Variants in DNAH10 observed in about 807,000 individuals in gnomAD.
The protein encoded by DNAH10 is axonemal beta dynein heavy chain 10.
In DNAH10, 348 loss-of-function variants were observed where a neutral mutation model predicts 506.6. That is an observed-to-expected ratio of 0.69 (90% confidence interval 0.63 to 0.75). The LOEUF is 0.75. Among genes scored for constraint, DNAH10 ranks in the 30% least tolerant of loss-of-function variants. DNAH10 has a pLI of 0.00. For synonymous variants in DNAH10, 2,059 were observed against 2,198.6 expected, an observed-to-expected ratio of 0.94 and a Z score of 1.78; for missense variants, 5,179 against 5,787.1, an observed-to-expected ratio of 0.89 and a Z score of 3.41.
chr12:123,882,917 G>A (rs111623472), intron 51 of DNAH10, among the ~76,000 whole-genome samples: 132 of 151,986 alleles, frequency 8.7e-4, no homozygotes, highest in Non-Finnish European at 1.4e-3. Context: ...AGCAACTAAC[G>A]GACTAATCTG....
At chr12:123,883,657 G>A (rs984536691) in intron 51 of DNAH10, among the ~76,000 whole-genome samples, 1 of 152,204 alleles carries the variant, frequency 6.6e-6, no homozygotes, top group African/African-American at 2.4e-5. Context: ...AAGCTGAAAA[G>A]TGTACCCTAA....
rs1959027518 is a variant in DNAH10, at chr12:123,813,586, A to G, written c.3567A>G (p.Lys1189=). ...AGTCCTGGGTGATTTCGCTTGGAAA[A>G]CTTCTCAATGAGTCAGCAAAAGAGG... ...NAKSWVISLG[K]LLNESAKEEL... Residue 1189 remains lysine, a synonymous_variant, in exon 20 of 79, where the codon AAA becomes AAG. Transcript: ENST00000673944. The G allele has an allele frequency of 1.2e-6, 2 of 1,614,038 alleles. No individual in the cohort carries two copies. Among genetic ancestry groups the G allele is most frequent in the African/African-American group, 1.3e-5 (1 of 74,910 alleles).
chr12:123,772,158 T>A (rs1289029552), intron 3 of DNAH10, among the ~76,000 whole-genome samples: 1 of 152,216 alleles, frequency 6.6e-6, no homozygotes, highest in Non-Finnish European at 1.5e-5. Flanking sequence ...TCCACGTGGC[T>A]GACCTTAGTT....
chr12:123,793,930 A>T lies in DNAH10; in HGVS notation c.1816-12A>T. ...CAGGGGCATGAGGGTTGTTTTGTTG[A>T]TTTTTTTGCAGGTTATTGAGAAAGA... On this transcript the variant is annotated splice_polypyrimidine_tract_variant and intron_variant, in intron 11 of 78. Coordinates refer to ENST00000673944, the MANE Select transcript of DNAH10 (RefSeq NM_001372106.1). 8.4e-7 allele frequency: 1 copy of T among 1,195,102 alleles called. No individual in the cohort carries two copies. Among genetic ancestry groups the T allele is most frequent in the Non-Finnish European group, 1.1e-6 (1 of 934,248 alleles). The allele number at this position is 1,195,102 out of a possible 1,614,324, so 74.0% of individuals were successfully genotyped here.
intron 55 of DNAH10, 139 bp from the exon 56 acceptor site, chr12:123,898,514 T>C: frequency 9.1e-7 from 1 of 1,097,916 alleles, no homozygotes; most frequent in Non-Finnish European, 1.3e-6. Flanking sequence ...AGTATGGCAG[T>C]GGAGGTACTG....
chr12:123,910,878 TGAAA>T (rs939254414), intron 59 of DNAH10, among the ~76,000 whole-genome samples: 2 of 152,104 alleles, frequency 1.3e-5, no homozygotes, highest in Non-Finnish European at 2.9e-5. Context: ...GACCGAGGTC[TGAAA>T]GAGTTTCAAA....
In DNAH10 at chr12:123,887,221, G is replaced by A; in HGVS notation, c.8903G>A (p.Gly2968Glu). The A allele has an allele frequency of 6.2e-7, 1 of 1,613,900 alleles. No individual in the cohort carries two copies. Among genetic ancestry groups the A allele is most frequent in the Non-Finnish European group, 8.5e-7 (1 of 1,179,840 alleles). ...EDLKSLYLKLGIENKAMIFLF... is the reference protein window; with the variant it reads ...EDLKSLYLKLEIENKAMIFLF... ...CTGAAGAGCCTCTATTTGAAACTTGGGATTGAGAACAAAGCGATGATCTTT... is the reference window on the plus strand; with the variant it reads ...CTGAAGAGCCTCTATTTGAAACTTGAGATTGAGAACAAAGCGATGATCTTT... The change falls in exon 52 of 79, where the codon GGG becomes GAG. Residue 2968 changes from glycine to glutamate, a missense_variant. Transcript: ENST00000673944.
In DNAH10 at chr12:123,924,395, C is replaced by G. The variant is rs750626560; in HGVS notation, c.11729C>G (p.Pro3910Arg). 9.9e-6 allele frequency: 16 copies of G among 1,613,632 alleles called. No homozygotes were observed. In the East Asian group the frequency reaches 3.3e-4, roughly 34 times the overall value. Residue 3910 changes from proline (P) to arginine (R), a missense_variant, in exon 67 of 79, where the codon CCT becomes CGT. Pro to Arg is a moderately radical substitution (Grantham distance 103, BLOSUM62 -2). This residue lies in a region of DNAH10 where 4,844 missense variants were observed against 5,430.5 expected (regional missense o/e 0.89). Transcript: ENST00000673944. ...EMFSDNFGQL[P>R]DDVENNQTVW... ...TTTTCAGACAACTTTGGGCAACTTC[C>G]TGATGATGTTGAGAATAATCAGACT...
Position 123,830,638 on chromosome 12 carries a change from A to G in DNAH10, c.4484A>G (p.Lys1495Arg). Reference protein sequence around the residue: ...LENMFAMELHKHTDVLNEIVT... With the variant: ...LENMFAMELHRHTDVLNEIVT... ...AATATGTTTGCTATGGAACTGCACA[A>G]ACACACAGATGTTCTCAATGAGATT... Residue 1495 changes from lysine to arginine, a missense_variant, in exon 26 of 79, where the codon AAA becomes AGA. Transcript: ENST00000673944. 6.2e-7 allele frequency: 1 copy of G among 1,613,946 alleles called. No homozygotes were observed. Among genetic ancestry groups the G allele is most frequent in the South Asian group, 1.1e-5 (1 of 91,052 alleles).
At chr12:123,776,427 T>TA (rs1957442400) in intron 5 of DNAH10, among the ~76,000 whole-genome samples, 3 of 151,052 alleles carry the variant, frequency 2.0e-5, no homozygotes, top group Non-Finnish European at 3.0e-5. Context: ...GCCCCATCTC[T>TA]AAAAAAAAAT....
At chr12:123,842,525 T>C (rs931463528) in intron 30 of DNAH10, among the ~76,000 whole-genome samples, 4 of 152,240 alleles carry the variant, frequency 2.6e-5, no homozygotes, top group Admixed American at 2.0e-4. Context: ...AACACCATTC[T>C]CTTGATTTTG....
In DNAH10 at chr12:123,764,379, C is replaced by T. The variant is rs1049024080; in HGVS notation, c.214+1829C>T. Reference sequence around the variant, plus strand: ...TGAACATTAGATTATAACTGGACCTCGGATGTAGGCACTTTCATTGGCACC... The same window carrying T: ...TGAACATTAGATTATAACTGGACCTTGGATGTAGGCACTTTCATTGGCACC... On this transcript the variant is annotated intron_variant, in intron 1 of 78. Coordinates refer to ENST00000673944, the MANE Select transcript of DNAH10 (RefSeq NM_001372106.1). Among the ~76,000 whole-genome samples the T allele has an allele frequency of 2.0e-5, 3 of 152,024 alleles. No individual in the cohort carries two copies. In the East Asian group the frequency reaches 5.8e-4, roughly 29 times the overall value.
intron 5 of DNAH10, among the ~76,000 whole-genome samples, chr12:123,777,327 G>T (rs1158541175): frequency 6.6e-6 from 1 of 152,248 alleles, no homozygotes; most frequent in Non-Finnish European, 1.5e-5. Flanking sequence ...GAAGCCAAGA[G>T]AAGACAATGC....
intron 52 of DNAH10, among the ~76,000 whole-genome samples, chr12:123,887,830 C>T (rs1421240846): frequency 5.9e-5 from 9 of 151,830 alleles, no homozygotes; most frequent in Non-Finnish European, 1.3e-4. Context: ...CTGCAAGCTC[C>T]GCCTCCTGGG....
At chr12:123,856,697 ATTTTATG>A (rs1056897229) in intron 36 of DNAH10, among the ~76,000 whole-genome samples, 4 of 148,530 alleles carry the variant, frequency 2.7e-5, no homozygotes, top group Admixed American at 6.7e-5. Context: ...TATATTTTAT[ATTTTATG>A]TTTAATCTCA....
At chr12:123,888,367 C>T (rs568891554) in intron 52 of DNAH10, among the ~76,000 whole-genome samples, 2 of 152,140 alleles carry the variant, frequency 1.3e-5, no homozygotes, top group Non-Finnish European at 2.9e-5. Context: ...ATCTTGAGAA[C>T]GAGACCTTTG....
At chr12:123,827,471 G>C (rs147544321) in intron 25 of DNAH10, among the ~76,000 whole-genome samples, 2 of 152,162 alleles carry the variant, frequency 1.3e-5, no homozygotes, top group Admixed American at 6.5e-5. Flanking sequence ...ATAGACACGC[G>C]TGGCTTGTGG....
chr12:123,900,934 G>T (rs1388281539), intron 56 of DNAH10, among the ~76,000 whole-genome samples: 2 of 152,186 alleles, frequency 1.3e-5, no homozygotes, highest in Non-Finnish European at 2.9e-5. Context: ...CCCAGAGTTG[G>T]CTGTGATTGG....
At chr12:123,767,478 T>A (rs1260599727) in intron 1 of DNAH10, 128 bp from the exon 2 acceptor site, 19 of 820,806 alleles carry the variant, frequency 2.3e-5, no homozygotes, top group Non-Finnish European at 3.5e-5. Context: ...GCTGTACCAC[T>A]GTAACATAAC....
Sources: gnomAD v4.1 joint callset for allele counts (sites outside exome capture counted in the v4.1 genomes callset) on GRCh38, gnomAD v4.1.1 for gene constraint, gnomAD v4.1.1 regional missense constraint, MANE v1.5 for transcripts, NCBI Gene and HGNC (gene_info 2026-07-23, HGNC 2026-07-21) for gene names.